ECM2: variants seen among roughly 807,000 people sequenced by gnomAD.
The protein encoded by ECM2 is extracellular matrix protein 2.
ECM2 carries 57 observed loss-of-function variants against 67.5 expected under a neutral mutation model. The ratio of observed to expected loss-of-function variants is 0.84; its 90% confidence interval spans 0.68 to 1.05. ECM2 has a LOEUF of 1.05. ECM2 is among the 50% of genes least tolerant of loss of function. The probability of loss-of-function intolerance (pLI) is 0.00; values close to 1 mark genes in which losing one functional copy is unlikely to be tolerated. For synonymous variants in ECM2, 258 were observed against 294.5 expected (o/e 0.88, Z 1.27); for missense variants, 741 against 822.8 (o/e 0.90, Z 1.22).
At chr9:92,502,469 G>A in intron 8 of ECM2, 44 bp downstream of exon 8, 1 of 1,598,068 alleles carries the variant, frequency 6.3e-7, no homozygotes, top group Non-Finnish European at 8.6e-7. Context: ...AATAGCGAGA[G>A]GAAGAAATAG....
chr9:92,515,763 T>TAG (rs1183659056), intron 3 of ECM2, among the ~76,000 whole-genome samples: 6 of 152,340 alleles, frequency 3.9e-5, no homozygotes, highest in Middle Eastern at 3.4e-3. Flanking sequence ...TTCAGAATTA[T>TAG]AGAGAGAGAG....
At chr9:92,500,116 A>G (rs896947293) in intron 9 of ECM2, among the ~76,000 whole-genome samples, 6 of 152,234 alleles carry the variant, frequency 3.9e-5, no homozygotes, top group African/African-American at 1.4e-4. Context: ...AGGAGTAGTA[A>G]CATAATCTAT....
At chr9:92,547,451 CA>C in the ECM2 span, among the ~76,000 whole-genome samples, 1 of 152,128 alleles carries the variant, frequency 6.6e-6, no homozygotes, top group Non-Finnish European at 1.5e-5. Flanking sequence ...CATAGCCATA[CA>C]AGGGAATATT....
chr9:92,509,900 T>G lies in ECM2; in HGVS notation c.1305A>C (p.Ser435=), dbSNP rs1442133211. ...CATTGAAAAACAAATATTAAATACC[T>G]GATAAACTTTCTTCATCGATAGCCT... The part of the protein sequence containing the change: ...NLQAIDEESL[S]DLNQLVTLEL... The change falls in exon 6 of 10, where the codon TCA becomes TCC. Residue 435 remains serine, a splice_region_variant and synonymous_variant. Transcript: ENST00000344604. The G allele has an allele frequency of 1.9e-6, 3 of 1,603,212 alleles. No homozygotes were observed. The highest frequency in any genetic ancestry group is 1.7e-6 in the Non-Finnish European group (2 of 1,177,790).
downstream of ECM2, chr9:92,494,283 T>G: frequency 5.5e-6 from 4 of 724,542 alleles, no homozygotes; most frequent in Non-Finnish European, 8.7e-6. Flanking sequence ...GTTTACAGCT[T>G]AGATTGCCTT....
At chr9:92,533,189 A>T (rs1163628569) in intron 1 of ECM2, among the ~76,000 whole-genome samples, 2 of 148,758 alleles carry the variant, frequency 1.3e-5, no homozygotes, top group East Asian at 2.0e-4. Flanking sequence ...AGTCCCAGAT[A>T]CTCAGGAAGC....
chr9:92,545,742 G>A, the ECM2 span, among the ~76,000 whole-genome samples: 1 of 152,210 alleles, frequency 6.6e-6, no homozygotes, highest in Non-Finnish European at 1.5e-5. Flanking sequence ...TGGGGATTTG[G>A]AGAACCTTTA....
At chr9:92,537,087 G>T (rs1159567918), upstream of ECM2, among the ~76,000 whole-genome samples, 3 of 151,536 alleles carry the variant, frequency 2.0e-5, no homozygotes, top group South Asian at 2.1e-4. Flanking sequence ...TGTTGGCCAG[G>T]CTGGTCTCGA....
chr9:92,551,940 TATATATATATATG>T, the ECM2 span, among the ~76,000 whole-genome samples: 10 of 113,386 alleles, frequency 8.8e-5, 1 homozygote, highest in African/African-American at 3.2e-4. Context: ...TATATATATA[TATATATATATATG>T]ATATATATAT....
intron 3 of ECM2, among the ~76,000 whole-genome samples, chr9:92,516,034 T>TGTGAACTTGAAC (rs1847683224): frequency 1.3e-5 from 2 of 151,046 alleles, no homozygotes; most frequent in African/African-American, 2.4e-5. Flanking sequence ...GGGTAAACAG[T>TGTGAACTTGAAC]TCTAGGAAGA....
intron 5 of ECM2, among the ~76,000 whole-genome samples, chr9:92,511,409 GCC>G (rs1847332987): frequency 6.7e-6 from 1 of 149,698 alleles, no homozygotes; most frequent in Non-Finnish European, 1.5e-5. Context: ...ACAGGCATGA[GCC>G]ACTGTGCCTG....
intron 1 of ECM2, among the ~76,000 whole-genome samples, chr9:92,533,319 AAAAAAAAAAATATATATAT>A (rs1848942986): frequency 9.7e-6 from 1 of 103,512 alleles, no homozygotes; most frequent in South Asian, 3.4e-4. Context: ...AAAAAAAAAA[AAAAAAAAAAATATATATAT>A]ATATATATAT....
intron 8 of ECM2, 27 bp from the exon 9 acceptor site, chr9:92,501,080 G>A (rs1846643924): frequency 1.9e-6 from 3 of 1,600,856 alleles, no homozygotes; most frequent in African/African-American, 1.3e-5. Flanking sequence ...AGTAAACAGG[G>A]TAGGGACATC....
intron 8 of ECM2, 113 bp downstream of exon 8, chr9:92,502,400 C>A: frequency 7.7e-7 from 1 of 1,306,672 alleles, no homozygotes; most frequent in Non-Finnish European, 1.1e-6. Context: ...GTCTCCGAGC[C>A]CTTCAGTATC....
chr9:92,509,283 T>C (rs1255952805), intron 6 of ECM2, among the ~76,000 whole-genome samples: 1 of 151,968 alleles, frequency 6.6e-6, no homozygotes, highest in Non-Finnish European at 1.5e-5. Context: ...AGGCAGAAAA[T>C]TGCCAAAGTC....
At chr9:92,498,666 T>C (rs950647037) in intron 9 of ECM2, among the ~76,000 whole-genome samples, 1 of 152,198 alleles carries the variant, frequency 6.6e-6, no homozygotes, top group Non-Finnish European at 1.5e-5. Flanking sequence ...CCACTGTATT[T>C]CAGCTGTACT....
At chr9:92,508,854 A>C (rs548625728) in intron 6 of ECM2, among the ~76,000 whole-genome samples, 22 of 152,268 alleles carry the variant, frequency 1.4e-4, no homozygotes, top group Admixed American at 1.2e-3. Flanking sequence ...AATAAATAAC[A>C]TAATAAATAA....
In ECM2 at chr9:92,517,709, GC is replaced by G; in HGVS notation, c.458del (p.Cys153SerfsTer17). ...TACCAGTAGCGGAGCAGACCGGGCA[GC>G]ATTCCCCTTCAGGTATAACTGTTTG... The part of the protein sequence containing the change: ...CPQTVIPEGE[C>X]CPVCSATVSY... On this transcript the variant is annotated frameshift_variant, in exon 3 of 10. Transcript: ENST00000344604. LOFTEE classifies it high-confidence loss of function. 1.2e-6 allele frequency: 2 copies of G among 1,614,132 alleles called. No individual in the cohort carries two copies. The highest frequency in any genetic ancestry group is 1.7e-6 in the Non-Finnish European group (2 of 1,180,018).
intron 6 of ECM2, among the ~76,000 whole-genome samples, chr9:92,507,107 C>T (rs1221155044): frequency 6.6e-6 from 1 of 152,102 alleles, no homozygotes; most frequent in African/African-American, 2.4e-5. Flanking sequence ...TGGACAACAA[C>T]GTCTGGCTCT....
Sources: allele counts gnomAD v4.1 joint callset (sites outside exome capture counted in the v4.1 genomes callset), GRCh38; gene constraint gnomAD v4.1.1; transcripts MANE v1.5; gene names NCBI Gene and HGNC (gene_info 2026-07-23, HGNC 2026-07-21).